The following KIR3DL3 variants were observed in gnomAD, a reference collection of about 807,000 sequenced individuals.
KIR3DL3 encodes killer cell immunoglobulin like receptor, three Ig domains and long cytoplasmic tail 3.
A neutral mutation model predicts 34.9 loss-of-function variants in KIR3DL3; 27 were observed. The ratio of observed to expected loss-of-function variants is 0.77; its 90% CI spans 0.57 to 1.07. The LOEUF (loss-of-function observed/expected upper bound fraction) is 1.07, where lower values mean the gene tolerates loss of function less well. Among genes scored for constraint, KIR3DL3 ranks in the 50% least tolerant of loss-of-function variants. KIR3DL3 has a pLI of 0.00. For synonymous variants in KIR3DL3, 217 were observed against 200.2 expected (o/e 1.08, Z -0.71); for missense variants, 681 against 528.5 (o/e 1.29, Z -2.83).
intron 1 of KIR3DL3, 72 bp downstream of exon 1, chr19:54,724,602 C>A (rs1600151726): frequency 1.9e-6 from 3 of 1,576,258 alleles, no homozygotes; most frequent in African/African-American, 2.9e-5. Flanking sequence ...AGATCTGGGC[C>A]TGGAGTGGAG....
chr19:54,734,619 G>T (rs659384), intron 5 of KIR3DL3, among the ~76,000 whole-genome samples: 27,694 of 126,098 alleles, frequency 0.22, 2,450 homozygotes, highest in Middle Eastern at 0.26. Flanking sequence ...ATCTCAGGAC[G>T]TTGCTGTCTT....
rs770584814 is a variant in KIR3DL3 at position 54,735,372 on chromosome 19, G to A, written c.1054+15G>A. ...CAACAAAAAGAGTAAGTCTCACGAA[G>A]CAGAAGCCAGAGAGCTCAGGGCCAT... On this transcript the variant is annotated intron_variant, in intron 6 of 7. Coordinates refer to ENST00000291860, the MANE Select transcript of KIR3DL3 (RefSeq NM_153443.5). The A allele has an allele frequency of 8.2e-7, 1 of 1,226,888 alleles. No homozygotes were observed. Among genetic ancestry groups the A allele is most frequent in the South Asian group, 1.2e-5 (1 of 82,208 alleles). 76.0% of individuals were successfully genotyped at this position (1,226,888 alleles called of 1,614,324 possible). A position where few individuals can be genotyped will look rare whatever the true frequency, so the allele number is the denominator to read the frequency against.
rs770439636 is a variant in KIR3DL3, at chr19:54,730,942, C to T, written c.949+1156C>T. ...GCTGATGTCCTTTCCTTTGGGTTTA[C>T]ACCCAGTCATGGAATTGCTAGATCC... is the stretch of plus-strand genomic sequence containing the variant. On this transcript the variant is annotated intron_variant, in intron 5 of 7. Transcript: ENST00000291860. Among the ~76,000 whole-genome samples, 596 of 152,308 alleles carry T rather than the reference C, an allele frequency of 3.9e-3. 6 individuals carry two copies. The highest frequency in any genetic ancestry group is 0.031 in the Middle Eastern group (9 of 294).
In KIR3DL3 at chr19:54,735,236, G is replaced by T; in HGVS notation, c.950-17G>T. On this transcript the variant is annotated splice_polypyrimidine_tract_variant and intron_variant, in intron 5 of 7. Transcript: ENST00000291860. The stretch of plus-strand genomic sequence containing the variant: ...CTGCTATGATTAGCTTCTTATTGGT[G>T]TCTTGTCTTCCTCCAGGTAACTCCA... The T allele has an allele frequency of 6.8e-7, 1 of 1,472,852 alleles. No homozygotes were observed. The highest frequency in any genetic ancestry group is 9.4e-7 in the Non-Finnish European group (1 of 1,060,032). The allele number at this position is 1,472,852 out of a possible 1,614,324, so 91.2% of individuals were successfully genotyped here. A position where few individuals can be genotyped will look rare whatever the true frequency, so the allele number is the denominator to read the frequency against.
At chr19:54,728,550 C>A (rs1297304563) in intron 4 of KIR3DL3, among the ~76,000 whole-genome samples, 1 of 151,770 alleles carries the variant, frequency 6.6e-6, no homozygotes, top group Non-Finnish European at 1.5e-5. Flanking sequence ...CAGAGAGACA[C>A]GGAGTGAAAT....
At chr19:54,724,989 G>A (rs2067995617) in intron 1 of KIR3DL3, among the ~76,000 whole-genome samples, 1 of 137,620 alleles carries the variant, frequency 7.3e-6, no homozygotes, top group Admixed American at 7.4e-5. Context: ...ACACGGGCCT[G>A]GAGGTGGAGA....
chr19:54,730,752 A>G (rs1458939061), intron 5 of KIR3DL3, among the ~76,000 whole-genome samples: 1 of 152,086 alleles, frequency 6.6e-6, no homozygotes, highest in Non-Finnish European at 1.5e-5. Context: ...TGTGGCTGTA[A>G]ATGACAGGAT....
chr19:54,729,587 T>G lies in KIR3DL3; in HGVS notation c.750T>G (p.Phe250Leu), dbSNP rs1404672343. The change falls in exon 5 of 8, where the codon TTT (phenylalanine) becomes TTG (leucine). Residue 250 changes from phenylalanine (F) to leucine (L), a missense_variant. Physicochemically the swap from Phe to Leu is conservative, Grantham distance 22. Transcript: ENST00000291860. ...TGTCCTGCAGCTCCCGGAGCTTGTTTGACATTTACCATCTATCCAGGGAGG... is the reference window on the plus strand; with the variant it reads ...TGTCCTGCAGCTCCCGGAGCTTGTTGGACATTTACCATCTATCCAGGGAGG... ...VTLSCSSRSL[F>L]DIYHLSREAE... 17 of 1,606,558 alleles carry G rather than the reference T, an allele frequency of 1.1e-5. 1 individual carries two copies. In the Admixed American group the frequency reaches 1.2e-4, roughly 11 times the overall value.
intron 4 of KIR3DL3, among the ~76,000 whole-genome samples, chr19:54,728,352 G>A (rs1397152291): frequency 6.8e-6 from 1 of 148,138 alleles, no homozygotes; most frequent in African/African-American, 2.5e-5. Flanking sequence ...TACAGATGTT[G>A]TGTTTATTCT....
At chr19:54,728,861 T>C (rs1237786536) in intron 4 of KIR3DL3, among the ~76,000 whole-genome samples, 7 of 147,784 alleles carry the variant, frequency 4.7e-5, no homozygotes, top group African/African-American at 9.9e-5. Flanking sequence ...TAGATATAGA[T>C]AGATGAAAGA....
chr19:54,729,469 G>A, intron 4 of KIR3DL3, 24 bp from the exon 5 acceptor site: 3 of 1,549,784 alleles, frequency 1.9e-6, no homozygotes, highest in Non-Finnish European at 2.6e-6. Flanking sequence ...ACCTCCCTGA[G>A]GAAACCACCT....
rs756426142 is a variant in KIR3DL3 at position 54,727,910 on chromosome 19, G to C, written c.655G>C (p.Gly219Arg). The change falls in exon 4 of 8, where the codon GGT becomes CGT. Residue 219 changes from glycine to arginine, a missense_variant and splice_region_variant. Gly to Arg is a moderately radical substitution (Grantham distance 125, BLOSUM62 -2). Transcript: ENST00000291860. ...PSDPLDIVVV[G>R]LYGKPSLSAQ... ...TGACCCTCTGGACATCGTGGTCGTA[G>C]GTGAGAGAATACAGACCTGCCTCTC... 12 of 1,606,442 alleles carry C rather than the reference G, an allele frequency of 7.5e-6. No homozygotes were observed. In the Admixed American group the frequency reaches 1.3e-4, roughly 18 times the overall value.
At chr19:54,729,139 T>A (rs1461655089) in intron 4 of KIR3DL3, among the ~76,000 whole-genome samples, 3 of 146,936 alleles carry the variant, frequency 2.0e-5, no homozygotes, top group African/African-American at 7.5e-5. Context: ...AAATGATAGA[T>A]CGATCAATAG....
chr19:54,732,099 G>A (rs1197496057), intron 5 of KIR3DL3, among the ~76,000 whole-genome samples: 3 of 152,156 alleles, frequency 2.0e-5, no homozygotes, highest in Non-Finnish European at 4.4e-5. Context: ...TGGTAAACAG[G>A]ATGCATTTGG....
chr19:54,732,681 G>T (rs1474849228), intron 5 of KIR3DL3, among the ~76,000 whole-genome samples: 3 of 152,188 alleles, frequency 2.0e-5, no homozygotes, highest in African/African-American at 7.2e-5. Flanking sequence ...GAAGATTGGC[G>T]GAAGGATTTT....
chr19:54,726,931 C>T (rs2068247402), intron 3 of KIR3DL3, among the ~76,000 whole-genome samples: 2 of 124,586 alleles, frequency 1.6e-5, no homozygotes, highest in Non-Finnish European at 3.5e-5. Context: ...TCTCTCCTGC[C>T]CCATGTTTGT....
chr19:54,724,699 G>T (rs2067936945), intron 1 of KIR3DL3, among the ~76,000 whole-genome samples, 169 bp downstream of exon 1: 1 of 142,778 alleles, frequency 7.0e-6, no homozygotes. Context: ...ATATGGGCCT[G>T]GAACTGTAGA....
At chr19:54,725,311 T>A in intron 2 of KIR3DL3, 29 bp downstream of exon 2, 4 of 1,536,938 alleles carry the variant, frequency 2.6e-6, no homozygotes, top group South Asian at 2.6e-5. Context: ...CCTTAGGTTG[T>A]CATCTCCCCA....
In KIR3DL3 at chr19:54,735,290, A is replaced by G; in HGVS notation, c.987A>G (p.Ser329=). ...ACCTGCACGTTCTGATTGGGACCTC[A>G]GTGGTCATCATCCCCTTTGCTATCC... ...SRNLHVLIGT[S]VVIIPFAILL... The change falls in exon 6 of 8, where the codon TCA becomes TCG. Residue 329 remains serine (S), a synonymous_variant. Coordinates refer to ENST00000291860, the MANE Select transcript of KIR3DL3 (RefSeq NM_153443.5). The G allele has an allele frequency of 6.6e-7, 1 of 1,526,612 alleles. No homozygotes were observed. The highest frequency in any genetic ancestry group is 9.0e-7 in the Non-Finnish European group (1 of 1,107,036). The allele number at this position is 1,526,612 out of a possible 1,614,324, so 94.6% of individuals were successfully genotyped here.
Sources: allele counts gnomAD v4.1 joint callset (sites outside exome capture counted in the v4.1 genomes callset), GRCh38; gene constraint gnomAD v4.1.1; transcripts MANE v1.5; gene names NCBI Gene and HGNC (gene_info 2026-07-23, HGNC 2026-07-21).